THSD7B: variants seen among roughly 807,000 people sequenced by gnomAD.
The protein encoded by THSD7B is thrombospondin type-1 domain-containing protein 7B.
Under a neutral mutation model 213.6 loss-of-function variants are expected in THSD7B, and 138 were observed. The ratio of observed to expected loss-of-function variants is 0.65; its 90% CI spans 0.56 to 0.74. THSD7B has a LOEUF of 0.74. Among genes scored for constraint, THSD7B ranks in the 30% least tolerant of loss-of-function variants. The pLI is 0.00. For synonymous variants in THSD7B, 742 were observed against 687.0 expected (o/e 1.08, Z -1.25); for missense variants, 1,931 against 1,991.5 (o/e 0.97, Z 0.58).
chr2:136,940,418 G>T (rs1219209475), intron 2 of THSD7B, among the ~76,000 whole-genome samples: 2 of 151,906 alleles, frequency 1.3e-5, no homozygotes, highest in East Asian at 3.9e-4. Context: ...TCTGTTGATG[G>T]ACCCTAAGCT....
At chr2:136,949,022 G>C (rs1684990414) in intron 2 of THSD7B, among the ~76,000 whole-genome samples, 1 of 152,120 alleles carries the variant, frequency 6.6e-6, no homozygotes, top group Non-Finnish European at 1.5e-5. Flanking sequence ...TTCCTAGGTT[G>C]CTTGGGAGGG....
At chr2:136,825,244 CATTTAATGGTA>C (rs946678683) in intron 1 of THSD7B, among the ~76,000 whole-genome samples, 6 of 152,150 alleles carry the variant, frequency 3.9e-5, no homozygotes, top group Non-Finnish European at 7.3e-5. Context: ...AATTACCACA[CATTTAATGGTA>C]ATTTAATGGT....
chr2:136,890,263 G>A (rs1359712953), intron 2 of THSD7B, among the ~76,000 whole-genome samples: 2 of 145,382 alleles, frequency 1.4e-5, no homozygotes, highest in Non-Finnish European at 3.0e-5. Context: ...AGGATATTTC[G>A]ATTGGTGTAC....
chr2:137,542,311 G>A (rs762456691), intron 15 of THSD7B, among the ~76,000 whole-genome samples: 1 of 151,684 alleles, frequency 6.6e-6, no homozygotes, highest in Non-Finnish European at 1.5e-5. Flanking sequence ...AATTTAAAAT[G>A]CTGAGAAACA....
intron 2 of THSD7B, among the ~76,000 whole-genome samples, chr2:137,005,083 T>G (rs1193897735): frequency 6.6e-6 from 1 of 152,248 alleles, no homozygotes; most frequent in Non-Finnish European, 1.5e-5. Flanking sequence ...ATGAAATATG[T>G]ATATGCACTA....
chr2:137,199,600 A>T (rs1680836322), intron 7 of THSD7B, among the ~76,000 whole-genome samples: 4 of 152,166 alleles, frequency 2.6e-5, no homozygotes, highest in Admixed American at 2.6e-4. Flanking sequence ...ATGACTGTGA[A>T]AGCTAATTCC....
At chr2:136,839,191 T>C (rs1408093583) in intron 1 of THSD7B, among the ~76,000 whole-genome samples, 1 of 152,192 alleles carries the variant, frequency 6.6e-6, no homozygotes, top group African/African-American at 2.4e-5. Context: ...TGCCTCACAC[T>C]AGAGTTTCCT....
intron 5 of THSD7B, among the ~76,000 whole-genome samples, chr2:137,152,677 A>G (rs1679841779): frequency 6.6e-6 from 1 of 152,212 alleles, no homozygotes. Flanking sequence ...GGCACTTGTG[A>G]TCATTCCTGG....
At chr2:137,167,750 AG>A (rs1680166181) in intron 6 of THSD7B, among the ~76,000 whole-genome samples, 1 of 152,188 alleles carries the variant, frequency 6.6e-6, no homozygotes, top group African/African-American at 2.4e-5. Context: ...GTTTCACTAA[AG>A]GTGAATTGAA....
chr2:136,818,379 A>C (rs1432663614), intron 1 of THSD7B, among the ~76,000 whole-genome samples: 1 of 144,616 alleles, frequency 6.9e-6, no homozygotes, highest in Non-Finnish European at 1.5e-5. Flanking sequence ...GGGGAATATC[A>C]CACTCTGGGG....
chr2:137,660,290 G>A (rs553427828), intron 25 of THSD7B, among the ~76,000 whole-genome samples: 1 of 151,830 alleles, frequency 6.6e-6, no homozygotes, highest in Non-Finnish European at 1.5e-5. Context: ...CACAACTCAG[G>A]AATTAATGTA....
intron 20 of THSD7B, among the ~76,000 whole-genome samples, chr2:137,637,336 C>T (rs967084039): frequency 6.6e-6 from 1 of 152,136 alleles, no homozygotes; most frequent in Non-Finnish European, 1.5e-5. Flanking sequence ...ACAATCTAAA[C>T]ATCCCTGACT....
chr2:136,961,286 T>C (rs1685214334), intron 2 of THSD7B, among the ~76,000 whole-genome samples: 1 of 147,300 alleles, frequency 6.8e-6, no homozygotes, highest in Non-Finnish European at 1.5e-5. Context: ...AGTGGCGTGA[T>C]CTCGGCTCAC....
In THSD7B at chr2:137,507,201, A is replaced by G. The variant is rs973895590; in HGVS notation, c.3139-56020A>G. On this transcript the variant is annotated intron_variant, in intron 15 of 27. Coordinates refer to ENST00000409968, the MANE Select transcript of THSD7B (RefSeq NM_001316349.2). ...GGGAGAGAAATTACAAATGGCTCTCACTCCAGTGCCAGAAAGTAACCTTCC... is the reference window on the plus strand; with the variant it reads ...GGGAGAGAAATTACAAATGGCTCTCGCTCCAGTGCCAGAAAGTAACCTTCC... Among the ~76,000 whole-genome samples, 11 of 152,192 alleles carry G rather than the reference A, an allele frequency of 7.2e-5. No individual in the cohort carries two copies. In the East Asian group the frequency reaches 1.9e-3, roughly 27 times the overall value.
chr2:137,512,279 T>C (rs1012220351), intron 15 of THSD7B: 2 of 151,974 alleles, frequency 1.3e-5, no homozygotes, highest in Non-Finnish European at 2.9e-5. Flanking sequence ...TTATTCAAAG[T>C]ACAATTTTTT....
intron 7 of THSD7B, among the ~76,000 whole-genome samples, chr2:137,209,794 C>T (rs1167103759): frequency 1.3e-5 from 2 of 151,884 alleles, no homozygotes; most frequent in African/African-American, 2.4e-5. Context: ...ATGTTATGGG[C>T]TGAATTGTGC....
intron 10 of THSD7B, among the ~76,000 whole-genome samples, chr2:137,268,719 C>T (rs533705869): frequency 3.2e-4 from 49 of 152,244 alleles, no homozygotes; most frequent in Non-Finnish European, 5.9e-4. Context: ...CCTCCTATCT[C>T]AGCCTGTGAC....
At chr2:137,262,635 G>A (rs1682479619) in intron 10 of THSD7B, among the ~76,000 whole-genome samples, 1 of 152,056 alleles carries the variant, frequency 6.6e-6, no homozygotes, top group South Asian at 2.1e-4. Context: ...TTTTAAATGG[G>A]TTGAGAGCTG....
intron 21 of THSD7B, among the ~76,000 whole-genome samples, chr2:137,651,448 T>C (rs1683134864): frequency 6.6e-6 from 1 of 152,016 alleles, no homozygotes; most frequent in African/African-American, 2.4e-5. Context: ...TATTATTTAT[T>C]TGGGTCTTCT....
Sources: allele counts gnomAD v4.1 joint callset (sites outside exome capture counted in the v4.1 genomes callset), GRCh38; gene constraint gnomAD v4.1.1; transcripts MANE v1.5; gene names NCBI Gene and HGNC (gene_info 2026-07-23, HGNC 2026-07-21).